Variants in SPAG16 observed in about 807,000 individuals in gnomAD.
SPAG16 encodes sperm associated antigen 16, also known as sperm-associated antigen 16 protein.
SPAG16 carries 86 observed loss-of-function variants against 80.4 expected under a neutral mutation model. The observed-to-expected ratio is 1.07, with a 90% CI of 0.90 to 1.28. The LOEUF (loss-of-function observed/expected upper bound fraction) is 1.28. Among genes scored for constraint, SPAG16 ranks in the 50% most tolerant of loss-of-function variants. The pLI is 0.00. For synonymous variants in SPAG16, 294 were observed against 265.9 expected, an observed-to-expected ratio of 1.11 and a Z score of -1.03; for missense variants, 870 against 765.3, an observed-to-expected ratio of 1.14 and a Z score of -1.61.
Position 213,340,082 on chromosome 2 carries a change from A to G in SPAG16, c.537-81A>G, listed in dbSNP as rs550549468. 87 of 835,274 alleles carry G rather than the reference A, an allele frequency of 1.0e-4. 2 individuals are homozygous for G. Among genetic ancestry groups the G allele is most frequent in the South Asian group, 1.0e-3 (63 of 62,082 alleles). 51.7% of individuals were successfully genotyped at this position (835,274 alleles called of 1,614,324 possible). On this transcript the variant is annotated intron_variant, in intron 5 of 15. Coordinates refer to ENST00000331683, the MANE Select transcript of SPAG16 (RefSeq NM_024532.5). The stretch of plus-strand genomic sequence containing the variant: ...TTCCTATTATCTTTTGAATGGCACA[A>G]TACTGGATTTGAACTCAAGACTAAA...
At chr2:213,505,969 A>G (rs1269503692) in intron 10 of SPAG16, among the ~76,000 whole-genome samples, 1 of 151,776 alleles carries the variant, frequency 6.6e-6, no homozygotes, top group African/African-American at 2.4e-5. Flanking sequence ...AGCTCTGATT[A>G]TATTTTAATA....
intron 10 of SPAG16, among the ~76,000 whole-genome samples, chr2:213,736,706 A>AAT (rs1553619804): frequency 1.0e-4 from 15 of 145,424 alleles, no homozygotes; most frequent in African/African-American, 3.8e-4. Context: ...TTTTTAAATA[A>AAT]TTTTTTTTTT....
intron 10 of SPAG16, among the ~76,000 whole-genome samples, chr2:213,648,614 A>G (rs1400258732): frequency 2.0e-5 from 3 of 152,108 alleles, no homozygotes; most frequent in South Asian, 4.1e-4. Context: ...ACACACACAC[A>G]CACACATTTA....
chr2:214,142,486 C>T (rs556397655), intron 14 of SPAG16, among the ~76,000 whole-genome samples: 1 of 152,258 alleles, frequency 6.6e-6, no homozygotes, highest in South Asian at 2.1e-4. Flanking sequence ...CTGATCATCT[C>T]TTTTAACTCC....
intron 4 of SPAG16, among the ~76,000 whole-genome samples, chr2:213,314,859 T>C (rs1309169557): frequency 2.0e-5 from 3 of 151,928 alleles, no homozygotes; most frequent in Admixed American, 6.6e-5. Flanking sequence ...ACTTACTGAA[T>C]TTATGATTCA....
intron 4 of SPAG16, among the ~76,000 whole-genome samples, chr2:213,315,708 A>G (rs77410861): frequency 1.3e-5 from 2 of 148,198 alleles, no homozygotes; most frequent in African/African-American, 5.0e-5. Context: ...TTTTTTTTTA[A>G]TAGTGACTTT....
At chr2:214,099,209 A>G (rs1260521519) in intron 13 of SPAG16, among the ~76,000 whole-genome samples, 1 of 152,092 alleles carries the variant, frequency 6.6e-6, no homozygotes, top group Non-Finnish European at 1.5e-5. Context: ...TTTTCCTGGG[A>G]GAGTGGTGAC....
At chr2:214,380,255 C>A (rs1166238641) in intron 15 of SPAG16, among the ~76,000 whole-genome samples, 9 of 152,130 alleles carry the variant, frequency 5.9e-5, no homozygotes, top group Non-Finnish European at 8.8e-5. Context: ...AAACTAGAGG[C>A]CTTTTTACCC....
At chr2:214,124,804 G>A (rs1330946205) in intron 14 of SPAG16, among the ~76,000 whole-genome samples, 1 of 151,748 alleles carries the variant, frequency 6.6e-6, no homozygotes, top group East Asian at 1.9e-4. Context: ...GCTCTGCAGG[G>A]AAACTGTTTT....
chr2:214,036,266 A>G (rs1278649008), intron 13 of SPAG16, among the ~76,000 whole-genome samples: 3 of 152,168 alleles, frequency 2.0e-5, no homozygotes, highest in African/African-American at 7.2e-5. Context: ...GACATGGACC[A>G]TAATTCTTTG....
At chr2:214,356,076 G>A (rs1216175352) in intron 15 of SPAG16, among the ~76,000 whole-genome samples, 3 of 150,712 alleles carry the variant, frequency 2.0e-5, no homozygotes, top group Non-Finnish European at 4.4e-5. Context: ...AATGCTAAAT[G>A]ACAAGTTAAT....
chr2:213,663,712 A>C (rs1395729785), intron 10 of SPAG16, among the ~76,000 whole-genome samples: 2 of 152,120 alleles, frequency 1.3e-5, no homozygotes, highest in African/African-American at 4.8e-5. Context: ...CCTATATAAG[A>C]TGTAACAGCA....
chr2:214,271,666 G>A (rs1213800761), intron 15 of SPAG16, among the ~76,000 whole-genome samples: 2 of 152,184 alleles, frequency 1.3e-5, no homozygotes, highest in Admixed American at 6.5e-5. Context: ...TGGGCATGGC[G>A]GTGGGTGCCT....
At chr2:214,102,234 G>A (rs1276183553) in intron 13 of SPAG16, among the ~76,000 whole-genome samples, 5 of 151,756 alleles carry the variant, frequency 3.3e-5, no homozygotes, top group Admixed American at 2.6e-4. Flanking sequence ...AGAAGACGGA[G>A]GAGTGGATGA....
At chr2:214,217,945 C>T (rs1030164433) in intron 15 of SPAG16, among the ~76,000 whole-genome samples, 13 of 152,180 alleles carry the variant, frequency 8.5e-5, no homozygotes, top group African/African-American at 2.9e-4. Flanking sequence ...CTGAGGACTC[C>T]AAAGACCTTT....
chr2:213,296,145 T>G, intron 2 of SPAG16, 35 bp downstream of exon 2: 1 of 1,406,532 alleles, frequency 7.1e-7, no homozygotes, highest in Non-Finnish European at 1.0e-6. Context: ...ATTCTGTAAA[T>G]TTATTGCAGT....
chr2:213,751,052 A>C lies in SPAG16; in HGVS notation c.1071-111433A>C, dbSNP rs562486666. ...ATTTCATAATGCATTTTTTATGTTT[A>C]TACTACAAAAATGTAGTTGGTCTCT... On this transcript the variant is annotated intron_variant, in intron 10 of 15. Transcript: ENST00000331683. Among the ~76,000 whole-genome samples, 16 of 152,326 alleles carry C rather than the reference A, an allele frequency of 1.1e-4. No individual in the cohort carries two copies. In the South Asian group the frequency reaches 3.1e-3, roughly 30 times the overall value.
intron 5 of SPAG16, among the ~76,000 whole-genome samples, chr2:213,328,278 T>C (rs751274301): frequency 3.3e-5 from 5 of 152,150 alleles, no homozygotes; most frequent in Non-Finnish European, 4.4e-5. Flanking sequence ...CAACTTTTTT[T>C]TAAAAATACA....
chr2:214,047,840 T>TA (rs141467412), intron 13 of SPAG16, among the ~76,000 whole-genome samples: 2,900 of 152,126 alleles, frequency 0.019, 93 homozygotes, highest in African/African-American at 0.067. Flanking sequence ...AACAACTCTA[T>TA]AAAAAATTCT....
Sources: allele counts gnomAD v4.1 joint callset (sites outside exome capture counted in the v4.1 genomes callset), GRCh38; gene constraint gnomAD v4.1.1; transcripts MANE v1.5; gene names NCBI Gene and HGNC (gene_info 2026-07-23, HGNC 2026-07-21).